OR3A2: variants seen among roughly 807,000 people sequenced by gnomAD.
OR3A2 encodes olfactory receptor family 3 subfamily A member 2, also known as olfactory receptor 3A2.
For synonymous variants in OR3A2, 126 were observed against 159.3 expected, an observed-to-expected ratio of 0.79 and a Z score of 1.57; for missense variants, 318 against 392.8, an observed-to-expected ratio of 0.81 and a Z score of 1.61.
intron 3 of OR3A2, among the ~76,000 whole-genome samples, chr17:3,307,869 GTCACAAGTCACTGCTCC>G (rs2049009884): frequency 1.3e-5 from 2 of 152,128 alleles, no homozygotes; most frequent in Non-Finnish European, 2.9e-5. Context: ...AGGTGAGAAA[GTCACAAGTCACTGCTCC>G]TCTCCTCTCC....
intron 3 of OR3A2, among the ~76,000 whole-genome samples, chr17:3,312,682 C>T (rs543955315): frequency 7.9e-5 from 12 of 152,220 alleles, no homozygotes; most frequent in East Asian, 5.8e-4. Flanking sequence ...TGGAGTGCAG[C>T]GGCACGATCT....
intron 3 of OR3A2, among the ~76,000 whole-genome samples, chr17:3,298,862 A>T (rs2048941569): frequency 6.6e-6 from 1 of 152,204 alleles, no homozygotes; most frequent in African/African-American, 2.4e-5. Flanking sequence ...TCATCCAGTC[A>T]TCTATCCACT....
At position 3,292,534 on chromosome 17, in the gene OR3A2, G is replaced by C. The variant is rs745976710; in HGVS notation, c.-84-13381C>G. 108 of 1,613,886 alleles carry C rather than the reference G, an allele frequency of 6.7e-5. No individual in the cohort carries two copies. The highest frequency in any genetic ancestry group is 8.5e-5 in the Non-Finnish European group (100 of 1,179,976). The stretch of plus-strand genomic sequence containing the variant: ...CCTGGCGCCTCCAGCAAGCCCAGCA[G>C]GATGAACTCAGCAATGACTGTTCCA... On this transcript the variant is annotated intron_variant, in intron 3 of 4. Coordinates refer to the OR3A2 transcript ENST00000573491.
chr17:3,334,564 C>A (rs1825935), intron 3 of OR3A2, among the ~76,000 whole-genome samples: 23,039 of 152,164 alleles, frequency 0.15, 2,327 homozygotes, highest in African/African-American at 0.28. Context: ...CGTCATTACT[C>A]TCTTTCCTCC....
chr17:3,285,466 A>T (rs1041943423), upstream of OR3A2, among the ~76,000 whole-genome samples: 1 of 152,260 alleles, frequency 6.6e-6, no homozygotes, highest in East Asian at 1.9e-4. Context: ...AGGTTCAACA[A>T]TTTATCTACA....
At chr17:3,371,423 T>C (rs1207625592) in intron 2 of OR3A2, among the ~76,000 whole-genome samples, 1 of 132,634 alleles carries the variant, frequency 7.5e-6, no homozygotes, top group Admixed American at 7.4e-5. Context: ...GGCAGGGGGC[T>C]GACCCCCCCA....
chr17:3,281,567 C>T (rs2048777101), intron 1 of OR3A2, among the ~76,000 whole-genome samples: 1 of 152,144 alleles, frequency 6.6e-6, no homozygotes, highest in East Asian at 1.9e-4. Flanking sequence ...CACCTGATCA[C>T]TGCTGTCTTA....
chr17:3,367,443 ATGAG>A (rs1251214319), intron 2 of OR3A2, among the ~76,000 whole-genome samples: 1 of 148,654 alleles, frequency 6.7e-6, no homozygotes, highest in African/African-American at 2.5e-5. Context: ...GCTCCCACTT[ATGAG>A]TGAGAACATA....
intron 2 of OR3A2, among the ~76,000 whole-genome samples, chr17:3,360,039 A>G: frequency 6.6e-6 from 1 of 151,844 alleles, no homozygotes; most frequent in Non-Finnish European, 1.5e-5. Context: ...TCCCACCAAC[A>G]GTGTAAAAGT....
rs76657344 is a variant in OR3A2 at position 3,353,605 on chromosome 17, C to A, written c.-178-17479G>T. 8.8e-3 allele frequency among the ~76,000 whole-genome samples: 1,338 copies of A among 151,912 alleles called. 23 individuals carry two copies. Among genetic ancestry groups the A allele is most frequent in the African/African-American group, 0.03 (1,252 of 41,500 alleles). On this transcript the variant is annotated intron_variant, in intron 2 of 4. Transcript: ENST00000573491. ...TGTTGGATTTTATCAAATGATTTTT[C>A]AGCATCAATTGAACTGTTCATATGG...
chr17:3,299,609 C>T (rs12603021), intron 3 of OR3A2, among the ~76,000 whole-genome samples: 14,672 of 152,234 alleles, frequency 0.096, 1,236 homozygotes, highest in East Asian at 0.49. Flanking sequence ...GTCCTACTCC[C>T]TGTTCAAACA....
intron 3 of OR3A2, among the ~76,000 whole-genome samples, chr17:3,307,394 T>C (rs2049007438): frequency 1.3e-5 from 2 of 152,214 alleles, no homozygotes; most frequent in Admixed American, 6.5e-5. Flanking sequence ...CTCTGACAAC[T>C]CCTCCTTGGC....
chr17:3,345,752 T>C (rs1267984468), intron 2 of OR3A2, among the ~76,000 whole-genome samples: 3 of 152,068 alleles, frequency 2.0e-5, no homozygotes. Context: ...ATAAAAATTC[T>C]CTAGAAAAAG....
chr17:3,373,428 C>T (rs2049650806), intron 2 of OR3A2, among the ~76,000 whole-genome samples: 1 of 152,136 alleles, frequency 6.6e-6, no homozygotes, highest in African/African-American at 2.4e-5. Flanking sequence ...CCATCTATCT[C>T]ATTTCTTAGT....
chr17:3,276,880 T>C (rs1231686093), downstream of OR3A2: 1 of 152,146 alleles, frequency 6.6e-6, no homozygotes, highest in Non-Finnish European at 1.5e-5. Context: ...GTGGGCTCTT[T>C]TCCTCTCTAG....
rs535830564 is a variant in OR3A2 at position 3,377,205 on chromosome 17, C to T, written c.-179+6599G>A. 6.6e-5 allele frequency among the ~76,000 whole-genome samples: 10 copies of T among 152,330 alleles called. No homozygotes were observed. The South Asian group carries it at 2.1e-3, about 32-fold the overall frequency. On this transcript the variant is annotated intron_variant, in intron 2 of 4. Coordinates refer to the OR3A2 transcript ENST00000573491. ...ACAATGTGAGTCTCCACACGGTGTT[C>T]TGTCCAACCAAGGGGGAGCTGCATG...
chr17:3,328,833 C>T (rs1084909), intron 3 of OR3A2, among the ~76,000 whole-genome samples: 77,299 of 118,222 alleles, frequency 0.65, 26,996 homozygotes, highest in East Asian at 1. Context: ...TTTTTGTCTT[C>T]GGCTCTGTTT....
At chr17:3,349,812 C>A (rs1383388430) in intron 2 of OR3A2, among the ~76,000 whole-genome samples, 2 of 151,888 alleles carry the variant, frequency 1.3e-5, no homozygotes, top group Non-Finnish European at 2.9e-5. Flanking sequence ...TGTAAAAGAA[C>A]AGAAATTATA....
intron 2 of OR3A2, among the ~76,000 whole-genome samples, chr17:3,379,998 G>A (rs575962484): frequency 9.9e-5 from 15 of 152,264 alleles, no homozygotes; most frequent in Non-Finnish European, 1.8e-4. Flanking sequence ...GGTTTCAGAG[G>A]CCACCATAAC....
Sources: gnomAD v4.1 joint callset for allele counts (sites outside exome capture counted in the v4.1 genomes callset) on GRCh38, gnomAD v4.1.1 for gene constraint, MANE v1.5 for transcripts, NCBI Gene and HGNC (gene_info 2026-07-23, HGNC 2026-07-21) for gene names.